Variants in NELL1 observed in about 807,000 individuals in gnomAD.
NELL1 encodes protein kinase C-binding protein NELL1.
In NELL1, 76 loss-of-function variants were observed where a neutral mutation model predicts 107.4. That is an observed-to-expected ratio of 0.71 (90% CI 0.59 to 0.86). The LOEUF is 0.86. Ranked by LOEUF, NELL1 falls within the 40% of genes least tolerant of loss-of-function variation. The pLI, the probability that NELL1 is intolerant of heterozygous loss-of-function variation, is 0.00. For synonymous variants in NELL1, 353 were observed against 341.2 expected, an observed-to-expected ratio of 1.03 and a Z score of -0.38; for missense variants, 1,024 against 1,005.5, an observed-to-expected ratio of 1.02 and a Z score of -0.25.
chr11:21,068,334 A>G (rs1853930841), intron 12 of NELL1, among the ~76,000 whole-genome samples: 1 of 152,176 alleles, frequency 6.6e-6, no homozygotes, highest in South Asian at 2.1e-4. Flanking sequence ...CATTTTAGAA[A>G]TAAACATAAA....
At chr11:21,431,996 GCTT>G (rs1852978529) in intron 15 of NELL1, among the ~76,000 whole-genome samples, 1 of 152,064 alleles carries the variant, frequency 6.6e-6, no homozygotes, top group Admixed American at 6.6e-5. Flanking sequence ...GGATAATCTT[GCTT>G]CTTCTGTGTA....
In NELL1 at chr11:21,495,548, C is replaced by G. The variant is rs12576261; in HGVS notation, c.1646-38826C>G. Among the ~76,000 whole-genome samples the G allele has an allele frequency of 0.014, 2,053 of 151,978 alleles. 150 individuals are homozygous for G. The East Asian group carries it at 0.23, about 17-fold the overall frequency. On this transcript the variant is annotated intron_variant, in intron 15 of 19. Transcript: ENST00000357134. Reference sequence around the variant, plus strand: ...TAGGAGTGGGATTGATGGATCATACCGTAATTCTATTTTTAACTTTCTAAG... The same window carrying G: ...TAGGAGTGGGATTGATGGATCATACGGTAATTCTATTTTTAACTTTCTAAG...
intron 13 of NELL1, among the ~76,000 whole-genome samples, chr11:21,211,703 G>A (rs1315789285): frequency 6.6e-6 from 1 of 152,116 alleles, no homozygotes; most frequent in Non-Finnish European, 1.5e-5. Context: ...GAGTTTGAGA[G>A]ATACTTAGGA....
chr11:20,967,413 C>G (rs936673096), intron 12 of NELL1, among the ~76,000 whole-genome samples: 1 of 152,016 alleles, frequency 6.6e-6, no homozygotes, highest in East Asian at 1.9e-4. Flanking sequence ...TGTAGCACCA[C>G]GATCTTCATG....
chr11:21,145,649 A>G (rs1855961483), intron 13 of NELL1, among the ~76,000 whole-genome samples: 6 of 152,104 alleles, frequency 3.9e-5, no homozygotes, highest in Admixed American at 2.6e-4. Flanking sequence ...TCTCTTCCAC[A>G]TGTCTTAGAC....
At chr11:21,103,117 C>T (rs1386422967) in intron 12 of NELL1, among the ~76,000 whole-genome samples, 2 of 152,062 alleles carry the variant, frequency 1.3e-5, no homozygotes, top group Non-Finnish European at 2.9e-5. Context: ...TTTAATGAAC[C>T]GAGGTTGTGT....
chr11:21,430,894 G>A (rs2133833424), intron 15 of NELL1, among the ~76,000 whole-genome samples: 1 of 152,150 alleles, frequency 6.6e-6, no homozygotes, highest in South Asian at 2.1e-4. Flanking sequence ...CTTTAGTATA[G>A]CTCTCAAATT....
At chr11:21,463,106 G>C (rs1430950400) in intron 15 of NELL1, among the ~76,000 whole-genome samples, 2 of 151,878 alleles carry the variant, frequency 1.3e-5, no homozygotes, top group South Asian at 4.2e-4. Context: ...CTGGATCCAG[G>C]AGCCTCTCCT....
intron 12 of NELL1, among the ~76,000 whole-genome samples, chr11:21,048,749 C>A (rs895285141): frequency 1.3e-5 from 2 of 152,128 alleles, no homozygotes; most frequent in African/African-American, 2.4e-5. Flanking sequence ...CCCTTCCATG[C>A]ACATGGAATG....
chr11:20,851,473 A>T (rs1216003533), intron 4 of NELL1, among the ~76,000 whole-genome samples: 1 of 152,088 alleles, frequency 6.6e-6, no homozygotes, highest in Non-Finnish European at 1.5e-5. Flanking sequence ...TTCTCCGGCT[A>T]CCTTTTATAT....
chr11:21,325,064 T>C (rs1458510827), intron 14 of NELL1, among the ~76,000 whole-genome samples: 5 of 152,190 alleles, frequency 3.3e-5, no homozygotes, highest in South Asian at 2.1e-4. Flanking sequence ...GTGTCTTAAA[T>C]AGGGGTTTCC....
chr11:21,414,473 C>G (rs2059130423), intron 15 of NELL1, among the ~76,000 whole-genome samples: 1 of 152,036 alleles, frequency 6.6e-6, no homozygotes, highest in South Asian at 2.1e-4. Context: ...AAAGTCTCTT[C>G]ATTGACTTGT....
intron 13 of NELL1, among the ~76,000 whole-genome samples, chr11:21,153,404 G>A (rs908107067): frequency 2.0e-5 from 3 of 152,010 alleles, no homozygotes; most frequent in Non-Finnish European, 2.9e-5. Context: ...GGGGCGTGTA[G>A]AACAGAGTTG....
chr11:20,669,889 T>C lies in NELL1; in HGVS notation c.55+111T>C. ...TTTGCGCTGGTCTGGGGAACGGCGGTAGCGTGGACCGGTTCCTGGGATCTC... is the reference window on the plus strand; with the variant it reads ...TTTGCGCTGGTCTGGGGAACGGCGGCAGCGTGGACCGGTTCCTGGGATCTC... On this transcript the variant is annotated intron_variant, in intron 1 of 19. Coordinates refer to ENST00000357134, the MANE Select transcript of NELL1 (RefSeq NM_006157.5). This position sits in a 1 kb window ranked among gnomAD's most constrained non-coding sequence, Gnocchi z 4.4. 1 of 874,530 alleles carries C rather than the reference T, an allele frequency of 1.1e-6. No individual in the cohort carries two copies. Among genetic ancestry groups the C allele is most frequent in the Non-Finnish European group, 1.9e-6 (1 of 521,836 alleles). The allele number at this position is 874,530 out of a possible 1,614,324, so 54.2% of individuals were successfully genotyped here. A position where few individuals can be genotyped will look rare whatever the true frequency, so the allele number is the denominator to read the frequency against.
intron 14 of NELL1, among the ~76,000 whole-genome samples, chr11:21,290,434 T>A (rs540514114): frequency 1.2e-5 from 1 of 82,434 alleles, no homozygotes; most frequent in African/African-American, 4.1e-5. Flanking sequence ...TAAATAAATA[T>A]TCCTTCCTGC....
intron 5 of NELL1, among the ~76,000 whole-genome samples, chr11:20,896,761 A>G (rs997657198): frequency 6.6e-6 from 1 of 152,174 alleles, no homozygotes; most frequent in South Asian, 2.1e-4. Context: ...ATTCTTATAC[A>G]CCAATAACAG....
At chr11:21,465,198 G>A (rs1284322972) in intron 15 of NELL1, among the ~76,000 whole-genome samples, 1 of 152,054 alleles carries the variant, frequency 6.6e-6, no homozygotes, top group Non-Finnish European at 1.5e-5. Context: ...GCAGGAAGAA[G>A]CAGGGGCCCT....
chr11:21,286,709 A>G (rs1390077516), intron 14 of NELL1, among the ~76,000 whole-genome samples: 1 of 152,196 alleles, frequency 6.6e-6, no homozygotes, highest in African/African-American at 2.4e-5. Context: ...CTTGGACCAG[A>G]CTGCTGCAGT....
intron 13 of NELL1, among the ~76,000 whole-genome samples, chr11:21,153,393 G>T (rs1479850232): frequency 2.0e-5 from 3 of 151,994 alleles, no homozygotes; most frequent in Non-Finnish European, 4.4e-5. Flanking sequence ...TTTCTTTTAT[G>T]GGGGCGTGTA....
Sources: allele counts gnomAD v4.1 joint callset (sites outside exome capture counted in the v4.1 genomes callset), GRCh38; gene constraint gnomAD v4.1.1; non-coding constraint Gnocchi (gnomAD v3.1); transcripts MANE v1.5; gene names NCBI Gene and HGNC (gene_info 2026-07-23, HGNC 2026-07-21).